LRP1B: variants seen among roughly 807,000 people sequenced by gnomAD.
LRP1B encodes the protein LDL receptor related protein 1B, also known as low-density lipoprotein receptor-related protein 1B.
A neutral mutation model predicts 556.6 loss-of-function variants in LRP1B; 217 were observed. The observed-to-expected ratio is 0.39, with a 90% CI of 0.35 to 0.44. LRP1B has a LOEUF of 0.44. Among genes scored for constraint, LRP1B ranks in the 20% least tolerant of loss-of-function variants. The probability of loss-of-function intolerance (pLI) is 1.00; values close to 1 mark genes in which losing one functional copy is unlikely to be tolerated. For synonymous variants in LRP1B, 2,047 were observed against 1,865.8 expected (o/e 1.10, Z -2.50); for missense variants, 5,053 against 5,620.8 (o/e 0.90, Z 3.23).
At chr2:140,711,676 G>C (rs541343264) in intron 37 of LRP1B, among the ~76,000 whole-genome samples, 1 of 152,130 alleles carries the variant, frequency 6.6e-6, no homozygotes, top group African/African-American at 2.4e-5. Flanking sequence ...AAAATTATTT[G>C]ATTCATTATT....
intron 5 of LRP1B, among the ~76,000 whole-genome samples, chr2:141,234,501 T>G (rs1488660910): frequency 6.6e-6 from 1 of 152,208 alleles, no homozygotes; most frequent in East Asian, 1.9e-4. Context: ...TTCAGTCTCC[T>G]GAGTAGCTGG....
At chr2:141,965,669 C>T (rs1428358337) in intron 1 of LRP1B, among the ~76,000 whole-genome samples, 1 of 135,924 alleles carries the variant, frequency 7.4e-6, no homozygotes, top group Non-Finnish European at 1.6e-5. Context: ...GTGGGTGCAG[C>T]GCACCAGCAT....
intron 1 of LRP1B, among the ~76,000 whole-genome samples, chr2:142,113,377 C>T (rs183365050): frequency 6.6e-6 from 1 of 151,962 alleles, no homozygotes; most frequent in Non-Finnish European, 1.5e-5. Context: ...ATTAGTAATT[C>T]CATATCTATA....
intron 35 of LRP1B, among the ~76,000 whole-genome samples, chr2:140,721,157 T>A: frequency 6.6e-6 from 1 of 152,202 alleles, no homozygotes; most frequent in East Asian, 1.9e-4. Context: ...TATTTTTCGC[T>A]TGCACATAAA....
intron 1 of LRP1B, among the ~76,000 whole-genome samples, chr2:142,101,348 T>G (rs1314063841): frequency 6.6e-6 from 1 of 151,992 alleles, no homozygotes; most frequent in Non-Finnish European, 1.5e-5. Flanking sequence ...CTACATGATT[T>G]GGACTGAAGC....
At position 141,231,970 on chromosome 2, in the gene LRP1B, T is replaced by A. The variant is rs79530721; in HGVS notation, c.593-2530A>T. On this transcript the variant is annotated intron_variant, in intron 5 of 90. Transcript: ENST00000389484. Reference sequence around the variant, plus strand: ...GAGTATAAACCCACAACAAAAATATTCTTAAAAATGCTAAGATCATTTCCA... The same window carrying A: ...GAGTATAAACCCACAACAAAAATATACTTAAAAATGCTAAGATCATTTCCA... 9.6e-3 allele frequency among the ~76,000 whole-genome samples: 1,461 copies of A among 152,236 alleles called. 68 individuals are homozygous for A. The highest frequency in any genetic ancestry group is 0.067 in the Admixed American group (1,031 of 15,288).
At chr2:141,376,523 T>A (rs2683871) in intron 3 of LRP1B, among the ~76,000 whole-genome samples, 1 of 152,292 alleles carries the variant, frequency 6.6e-6, no homozygotes, top group African/African-American at 2.4e-5. Flanking sequence ...TTCGCATTCT[T>A]CTCCGTGGAG....
intron 4 of LRP1B, among the ~76,000 whole-genome samples, chr2:141,253,451 A>T (rs1366538046): frequency 6.6e-6 from 1 of 152,136 alleles, no homozygotes; most frequent in Non-Finnish European, 1.5e-5. Flanking sequence ...AGCAAACAAC[A>T]AACTAAAATT....
chr2:142,069,085 A>C (rs572402527), intron 1 of LRP1B, among the ~76,000 whole-genome samples: 2 of 150,892 alleles, frequency 1.3e-5, no homozygotes, highest in Non-Finnish European at 3.0e-5. Flanking sequence ...CTGTATTTTT[A>C]ATTATTAGGT....
chr2:140,338,954 C>T (rs760900131), intron 77 of LRP1B, among the ~76,000 whole-genome samples: 11 of 151,780 alleles, frequency 7.2e-5, no homozygotes, highest in Non-Finnish European at 1.5e-4. Flanking sequence ...TGAGAGACTG[C>T]AGAAGCATGC....
intron 2 of LRP1B, among the ~76,000 whole-genome samples, chr2:141,518,460 A>T (rs189942405): frequency 5.4e-4 from 82 of 152,342 alleles, no homozygotes; most frequent in African/African-American, 1.9e-3. Flanking sequence ...TATTAGTGAC[A>T]ATTTCAAGTG....
chr2:140,451,255 C>T (rs1686874389), intron 62 of LRP1B, among the ~76,000 whole-genome samples: 1 of 152,148 alleles, frequency 6.6e-6, no homozygotes, highest in Admixed American at 6.6e-5. Context: ...TAAAGGGCTA[C>T]TTGTACACTA....
At chr2:141,016,399 C>T (rs1008018811) in intron 12 of LRP1B, among the ~76,000 whole-genome samples, 2 of 152,042 alleles carry the variant, frequency 1.3e-5, no homozygotes, top group Non-Finnish European at 2.9e-5. Flanking sequence ...TTCTTTAAGA[C>T]AGGTAATTGG....
chr2:141,102,638 A>G (rs1345834350), intron 7 of LRP1B, among the ~76,000 whole-genome samples: 1 of 152,082 alleles, frequency 6.6e-6, no homozygotes, highest in African/African-American at 2.4e-5. Flanking sequence ...AAAAAGGCAC[A>G]CCAACTCAGG....
At chr2:142,108,249 T>A (rs1313617250) in intron 1 of LRP1B, among the ~76,000 whole-genome samples, 1 of 152,042 alleles carries the variant, frequency 6.6e-6, no homozygotes, top group Non-Finnish European at 1.5e-5. Context: ...AAATCTTTCC[T>A]ATGATTTTAG....
chr2:140,936,334 C>T (rs866099514), intron 20 of LRP1B, among the ~76,000 whole-genome samples: 6 of 71,694 alleles, frequency 8.4e-5, no homozygotes, highest in Non-Finnish European at 1.4e-4. Context: ...AGGGAGACTC[C>T]GTCTCAAAAA....
chr2:141,508,593 G>A (rs1215051382), intron 2 of LRP1B, among the ~76,000 whole-genome samples: 1 of 151,736 alleles, frequency 6.6e-6, no homozygotes, highest in African/African-American at 2.4e-5. Flanking sequence ...TTAGGCTCCT[G>A]GAATTCTGGT....
intron 1 of LRP1B, among the ~76,000 whole-genome samples, chr2:141,900,728 T>C (rs1699593222): frequency 1.3e-5 from 2 of 152,052 alleles, no homozygotes; most frequent in African/African-American, 2.4e-5. Flanking sequence ...TATAAATATA[T>C]TGAAAACATA....
intron 2 of LRP1B, among the ~76,000 whole-genome samples, chr2:141,699,765 C>G (rs1691868878): frequency 6.6e-6 from 1 of 150,390 alleles, no homozygotes; most frequent in Admixed American, 6.7e-5. Context: ...TAGTATTGTA[C>G]AAGCATGTGA....
Sources: gnomAD v4.1 joint callset for allele counts (sites outside exome capture counted in the v4.1 genomes callset) on GRCh38, gnomAD v4.1.1 for gene constraint, MANE v1.5 for transcripts, NCBI Gene and HGNC (gene_info 2026-07-23, HGNC 2026-07-21) for gene names.